Variants in LIMCH1 observed in about 807,000 individuals in gnomAD.
LIMCH1 encodes LIM and calponin homology domains-containing protein 1.
LIMCH1 carries 113 observed loss-of-function variants against 176.5 expected under a neutral mutation model. The ratio of observed to expected loss-of-function variants is 0.64; its 90% confidence interval spans 0.55 to 0.75. The LOEUF is 0.75. LIMCH1 is among the 30% of genes least tolerant of loss of function. The probability of loss-of-function intolerance (pLI) is 0.00; values close to 1 mark genes in which losing one functional copy is unlikely to be tolerated. For missense variants in LIMCH1, 1,674 were observed against 1,814.9 expected (o/e 0.92, Z 1.41); for synonymous variants, 619 against 645.9 (o/e 0.96, Z 0.63).
chr4:41,643,950 AGT>A (rs761325071), intron 14 of LIMCH1, among the ~76,000 whole-genome samples: 1 of 152,188 alleles, frequency 6.6e-6, no homozygotes, highest in Non-Finnish European at 1.5e-5. Flanking sequence ...AGAAAAAGTG[AGT>A]GTCTTAAACT....
At chr4:41,500,942 G>C (rs766804669) in intron 2 of LIMCH1, among the ~76,000 whole-genome samples, 5 of 152,132 alleles carry the variant, frequency 3.3e-5, no homozygotes, top group Non-Finnish European at 7.3e-5. Context: ...GAGAGAGGTG[G>C]ACCTGGACTA....
intron 1 of LIMCH1, among the ~76,000 whole-genome samples, chr4:41,490,091 G>T (rs1051029343): frequency 6.6e-6 from 1 of 151,976 alleles, no homozygotes; most frequent in Non-Finnish European, 1.5e-5. Flanking sequence ...GGAGGGGTTG[G>T]TCTCGCTGTC....
chr4:41,644,325 C>G (rs1305872888), intron 14 of LIMCH1, among the ~76,000 whole-genome samples, 175 bp from the exon 15 acceptor site: 1 of 152,158 alleles, frequency 6.6e-6, no homozygotes, highest in Admixed American at 6.5e-5. Context: ...GGTGCCAGCA[C>G]GCCCACCGCC....
intron 1 of LIMCH1, among the ~76,000 whole-genome samples, chr4:41,472,274 C>T (rs1419027412): frequency 2.6e-5 from 4 of 152,220 alleles, no homozygotes; most frequent in African/African-American, 7.2e-5. Flanking sequence ...GCCTGTTTGG[C>T]GCCTGAAGCC....
At chr4:41,540,115 C>G (rs1561678626) in intron 1 of LIMCH1, among the ~76,000 whole-genome samples, 1 of 152,192 alleles carries the variant, frequency 6.6e-6, no homozygotes, top group African/African-American at 2.4e-5. Context: ...TGATCTTTGG[C>G]AGGCAACACA....
intron 1 of LIMCH1, among the ~76,000 whole-genome samples, chr4:41,492,080 G>A (rs1583063780): frequency 2.0e-5 from 3 of 152,222 alleles, no homozygotes; most frequent in Admixed American, 6.5e-5. Flanking sequence ...GTAGCCAGCC[G>A]AGATCACGCC....
intron 1 of LIMCH1, among the ~76,000 whole-genome samples, chr4:41,481,736 C>T (rs962208922): frequency 2.0e-5 from 3 of 151,654 alleles, no homozygotes; most frequent in Admixed American, 6.6e-5. Context: ...CTGTGTTACT[C>T]GGGGAGGGAG....
intron 10 of LIMCH1, among the ~76,000 whole-genome samples, chr4:41,631,952 C>T (rs2093349994): frequency 6.6e-6 from 1 of 152,166 alleles, no homozygotes; most frequent in Admixed American, 6.5e-5. Context: ...CTTCCTCCCC[C>T]ACTTTTTAAA....
chr4:41,662,368 G>A (rs377583688), intron 19 of LIMCH1, among the ~76,000 whole-genome samples: 12 of 152,106 alleles, frequency 7.9e-5, no homozygotes, highest in South Asian at 2.1e-4. Flanking sequence ...CCCACAATCC[G>A]TAACACATTC....
intron 2 of LIMCH1, among the ~76,000 whole-genome samples, chr4:41,503,104 T>C (rs1314557180): frequency 1.3e-5 from 2 of 152,186 alleles, no homozygotes; most frequent in Non-Finnish European, 2.9e-5. Flanking sequence ...TTTTCCCATA[T>C]GGTGACAAAG....
intron 1 of LIMCH1, among the ~76,000 whole-genome samples, chr4:41,370,822 A>G (rs1004987836): frequency 2.0e-5 from 3 of 152,310 alleles, no homozygotes; most frequent in African/African-American, 4.8e-5. Flanking sequence ...TATATTGTGT[A>G]TAGAACAAAC....
intron 1 of LIMCH1, among the ~76,000 whole-genome samples, chr4:41,384,375 T>A (rs969409468): frequency 9.9e-5 from 15 of 152,074 alleles, no homozygotes; most frequent in Admixed American, 3.9e-4. Flanking sequence ...GGGCTATTTT[T>A]TTTTTTTTAT....
chr4:41,674,271 A>G (rs2095144765), intron 22 of LIMCH1, among the ~76,000 whole-genome samples: 2 of 152,176 alleles, frequency 1.3e-5, no homozygotes, highest in South Asian at 4.1e-4. Context: ...GAAATTAAAT[A>G]ATTCCTAATT....
intron 18 of LIMCH1, among the ~76,000 whole-genome samples, chr4:41,659,075 T>C (rs1448380824): frequency 6.6e-6 from 1 of 152,196 alleles, no homozygotes; most frequent in African/African-American, 2.4e-5. Flanking sequence ...TTTGCAATGC[T>C]AAACTGGTTG....
intron 1 of LIMCH1, among the ~76,000 whole-genome samples, chr4:41,427,257 GGCCT>G (rs1561336920): frequency 1.3e-5 from 2 of 151,878 alleles, no homozygotes; most frequent in African/African-American, 4.8e-5. Context: ...AACTGCATAG[GGCCT>G]GCCTGCAGTG....
chr4:41,524,240 A>G (rs1364127527), intron 2 of LIMCH1, among the ~76,000 whole-genome samples: 1 of 152,202 alleles, frequency 6.6e-6, no homozygotes, highest in Non-Finnish European at 1.5e-5. Context: ...GATGTTGGCA[A>G]AGCTCTTCAC....
At chr4:41,684,134 A>C (rs950174121) in intron 26 of LIMCH1, among the ~76,000 whole-genome samples, 5 of 152,200 alleles carry the variant, frequency 3.3e-5, no homozygotes, top group African/African-American at 1.2e-4. Context: ...TAGCTCTGGC[A>C]TTCCTTGAAA....
At chr4:41,592,283 T>G (rs1006814914) in intron 1 of LIMCH1, among the ~76,000 whole-genome samples, 1 of 152,218 alleles carries the variant, frequency 6.6e-6, no homozygotes, top group African/African-American at 2.4e-5. Context: ...TTTTCTGGCC[T>G]GAACTTAGAA....
At chr4:41,693,560 T>A (rs1210305879) in intron 31 of LIMCH1, among the ~76,000 whole-genome samples, 2 of 149,990 alleles carry the variant, frequency 1.3e-5, no homozygotes, top group East Asian at 3.9e-4. Context: ...ATTTTATATA[T>A]TAAATTATAT....
Sources: gnomAD v4.1 joint callset for allele counts (sites outside exome capture counted in the v4.1 genomes callset) on GRCh38, gnomAD v4.1.1 for gene constraint, MANE v1.5 for transcripts, NCBI Gene and HGNC (gene_info 2026-07-23, HGNC 2026-07-21) for gene names.